The following GUCY1A2 variants were observed in gnomAD, a reference collection of about 807,000 sequenced individuals.
The protein encoded by GUCY1A2 is guanylate cyclase soluble subunit alpha-2.
Under a neutral mutation model 63.5 loss-of-function variants are expected in GUCY1A2, and 27 were observed. That is an observed-to-expected ratio of 0.43 (90% CI 0.31 to 0.59). GUCY1A2 has a LOEUF of 0.59. GUCY1A2 is among the 20% of genes least tolerant of loss of function. GUCY1A2 has a pLI of 0.11. For missense variants in GUCY1A2, 768 were observed against 913.3 expected (o/e 0.84, Z 2.05); for synonymous variants, 364 against 343.5 (o/e 1.06, Z -0.66).
At chr11:106,912,719 A>G (rs1305265578) in intron 4 of GUCY1A2, among the ~76,000 whole-genome samples, 1 of 152,154 alleles carries the variant, frequency 6.6e-6, no homozygotes, top group Non-Finnish European at 1.5e-5. Context: ...ATGCTATAAT[A>G]ATGAAAATAA....
chr11:106,867,362 G>A lies in GUCY1A2; in HGVS notation c.1207-56884C>T, dbSNP rs568101224. ...CACAGTGTCTAGGAGATAGACATACGTATCAGACACCAATACAAACTATGA... is the reference window on the plus strand; with the variant it reads ...CACAGTGTCTAGGAGATAGACATACATATCAGACACCAATACAAACTATGA... On this transcript the variant is annotated intron_variant, in intron 4 of 7. Transcript: ENST00000526355. Among the ~76,000 whole-genome samples, 11 of 152,126 alleles carry A rather than the reference G, an allele frequency of 7.2e-5. 1 individual carries two copies. Among genetic ancestry groups the A allele is most frequent in the Admixed American group, 3.3e-4 (5 of 15,234 alleles).
At chr11:106,843,965 G>C (rs1016088215) in intron 4 of GUCY1A2, among the ~76,000 whole-genome samples, 1 of 151,800 alleles carries the variant, frequency 6.6e-6, no homozygotes, top group African/African-American at 2.4e-5. Flanking sequence ...TATAACATCG[G>C]TCAGCATCTT....
chr11:106,795,499 C>T (rs898370912), intron 5 of GUCY1A2, among the ~76,000 whole-genome samples: 3 of 152,156 alleles, frequency 2.0e-5, no homozygotes, highest in African/African-American at 4.8e-5. Context: ...ACAGCATTAT[C>T]TTAATAGACA....
chr11:106,745,317 ACTCT>A (rs747043093), intron 6 of GUCY1A2, among the ~76,000 whole-genome samples: 2 of 152,244 alleles, frequency 1.3e-5, no homozygotes, highest in African/African-American at 2.4e-5. Context: ...ACACCCACAC[ACTCT>A]CTTTCTCTCT....
At chr11:106,998,320 T>A (rs1861567415) in intron 1 of GUCY1A2, among the ~76,000 whole-genome samples, 1 of 152,150 alleles carries the variant, frequency 6.6e-6, no homozygotes, top group African/African-American at 2.4e-5. Flanking sequence ...AAAGGGATAT[T>A]GGGAACAGCT....
chr11:106,702,624 A>G (rs1412631620), intron 7 of GUCY1A2, among the ~76,000 whole-genome samples: 1 of 152,134 alleles, frequency 6.6e-6, no homozygotes, highest in Non-Finnish European at 1.5e-5. Context: ...AAGTCCCAGT[A>G]AAAATCCTTT....
At chr11:106,870,116 G>GA (rs57036938) in intron 4 of GUCY1A2, among the ~76,000 whole-genome samples, 1 of 120,332 alleles carries the variant, frequency 8.3e-6, no homozygotes, top group African/African-American at 3.1e-5. Context: ...GAGGGGGGGG[G>GA]AGGGGGGAGG....
Position 106,797,481 on chromosome 11 carries a change from C to A in GUCY1A2, c.1692+12512G>T, listed in dbSNP as rs540679183. On this transcript the variant is annotated intron_variant, in intron 5 of 7. Transcript: ENST00000526355. ...ACCCCAAATCAACAAAATATACATTCTTCTCAGCACCACATCGCAGTTATT... is the reference window on the plus strand; with the variant it reads ...ACCCCAAATCAACAAAATATACATTATTCTCAGCACCACATCGCAGTTATT... Among the ~76,000 whole-genome samples, 7 of 152,258 alleles carry A rather than the reference C, an allele frequency of 4.6e-5. No individual in the cohort carries two copies. The East Asian group carries it at 1.4e-3, about 29-fold the overall frequency.
At chr11:106,965,053 T>G (rs567702826) in intron 3 of GUCY1A2, among the ~76,000 whole-genome samples, 1 of 152,086 alleles carries the variant, frequency 6.6e-6, no homozygotes, top group South Asian at 2.1e-4. Flanking sequence ...TAGCAGTATA[T>G]ACTAATACAT....
Position 106,978,745 on chromosome 11 carries a change from G to A in GUCY1A2, c.366-5C>T. 6.3e-7 allele frequency: 1 copy of A among 1,589,728 alleles called. No individual in the cohort carries two copies. Among genetic ancestry groups the A allele is most frequent in the East Asian group, 2.2e-5 (1 of 44,634 alleles). ...TTCTTTTCTGCATCCCTGTAACTAA[G>A]AAGAAAACAAAATTAGCATAAGGAG... On this transcript the variant is annotated splice_region_variant and splice_polypyrimidine_tract_variant and intron_variant, in intron 2 of 7. Transcript: ENST00000526355.
intron 5 of GUCY1A2, among the ~76,000 whole-genome samples, chr11:106,805,498 G>T (rs1011382951): frequency 2.0e-5 from 3 of 151,986 alleles, no homozygotes; most frequent in Non-Finnish European, 2.9e-5. Flanking sequence ...CACCCACCTC[G>T]GCCTCCCAAA....
intron 4 of GUCY1A2, chr11:106,824,911 G>A (rs1858946955): frequency 6.2e-7 from 1 of 1,611,896 alleles, no homozygotes; most frequent in South Asian, 1.1e-5. Flanking sequence ...CAGCAATCTG[G>A]TTCTAAGAAT....
intron 4 of GUCY1A2, among the ~76,000 whole-genome samples, chr11:106,899,294 T>A (rs942323770): frequency 1.3e-5 from 2 of 152,120 alleles, no homozygotes; most frequent in African/African-American, 4.8e-5. Context: ...AAATGCATTT[T>A]AAAAAGAATA....
chr11:106,879,341 T>C (rs1591311822), intron 4 of GUCY1A2, among the ~76,000 whole-genome samples: 1 of 152,028 alleles, frequency 6.6e-6, no homozygotes, highest in African/African-American at 2.4e-5. Context: ...TAGAATAATA[T>C]CTTGGGAGTG....
intron 6 of GUCY1A2, among the ~76,000 whole-genome samples, chr11:106,723,777 C>A (rs1308784673): frequency 6.6e-5 from 10 of 152,034 alleles, no homozygotes; most frequent in Admixed American, 6.5e-5. Flanking sequence ...GAGTCAAGAT[C>A]ATGCTACTGC....
At chr11:106,932,287 G>C (rs1005650307) in intron 4 of GUCY1A2, among the ~76,000 whole-genome samples, 1 of 151,810 alleles carries the variant, frequency 6.6e-6, no homozygotes, top group African/African-American at 2.4e-5. Flanking sequence ...GATGACTATT[G>C]GGAATACATA....
intron 5 of GUCY1A2, among the ~76,000 whole-genome samples, chr11:106,793,220 A>G (rs1016365581): frequency 6.6e-6 from 1 of 152,186 alleles, no homozygotes. Flanking sequence ...AATCTACACA[A>G]TCTTTTACAA....
rs141757929 is a variant in GUCY1A2 at position 106,933,049 on chromosome 11, C to T, written c.1206+6411G>A. Among the ~76,000 whole-genome samples, 640 of 152,134 alleles carry T rather than the reference C, an allele frequency of 4.2e-3. 3 individuals are homozygous for T. The highest frequency in any genetic ancestry group is 0.015 in the African/African-American group (603 of 41,528). On this transcript the variant is annotated intron_variant, in intron 4 of 7. Coordinates refer to ENST00000526355, the MANE Select transcript of GUCY1A2 (RefSeq NM_000855.3). ...AACCTAGGAAACACCATTCTGGACA[C>T]TGGCCTTGGGAAAGAATTTGTTACT...
intron 6 of GUCY1A2, among the ~76,000 whole-genome samples, chr11:106,742,290 T>C (rs1863708182): frequency 1.3e-5 from 2 of 152,174 alleles, no homozygotes; most frequent in South Asian, 2.1e-4. Context: ...ATCACTTAGA[T>C]ATTAAGCCCA....
Sources: allele counts gnomAD v4.1 joint callset (sites outside exome capture counted in the v4.1 genomes callset), GRCh38; gene constraint gnomAD v4.1.1; transcripts MANE v1.5; gene names NCBI Gene and HGNC (gene_info 2026-07-23, HGNC 2026-07-21).